MYEF2: variants seen among roughly 807,000 people sequenced by gnomAD.
MYEF2 encodes myelin expression factor 2.
MYEF2 carries 37 observed loss-of-function variants against 75.2 expected under a neutral mutation model. That is an observed-to-expected ratio of 0.49 (90% CI 0.38 to 0.65). The LOEUF (loss-of-function observed/expected upper bound fraction) is 0.65. Among genes scored for constraint, MYEF2 ranks in the 30% least tolerant of loss-of-function variants. The pLI is 0.00. For missense variants in MYEF2, 634 were observed against 771.4 expected (o/e 0.82, Z 2.11); for synonymous variants, 195 against 241.6 (o/e 0.81, Z 1.79).
At chr15:48,145,666 T>C (rs974914695) in intron 16 of MYEF2, among the ~76,000 whole-genome samples, 2 of 151,808 alleles carry the variant, frequency 1.3e-5, no homozygotes, top group African/African-American at 4.8e-5. Context: ...TAAAAACACA[T>C]GTAAAAATAG....
At chr15:48,152,394 C>A in intron 10 of MYEF2, 110 bp from the exon 11 acceptor site, 1 of 895,084 alleles carries the variant, frequency 1.1e-6, no homozygotes, top group Non-Finnish European at 1.8e-6. Context: ...CACAATGAAA[C>A]ACTAGAGAAG....
Position 48,142,219 on chromosome 15 carries a change from C to T in MYEF2, c.*689G>A. The T allele has an allele frequency of 1.2e-6, 2 of 1,613,780 alleles. No individual in the cohort carries two copies. The highest frequency in any genetic ancestry group is 8.5e-7 in the Non-Finnish European group (1 of 1,179,848). ...TTATTTTTCTTTTTTTAGCAGTTCA[C>T]TTCAATGGCTGGAAACTAGACAGAA... On this transcript the variant is annotated 3_prime_UTR_variant, in exon 17 of 17. Coordinates refer to ENST00000324324, the MANE Select transcript of MYEF2 (RefSeq NM_016132.5).
At chr15:48,170,722 A>T (rs1387137255) in intron 1 of MYEF2, among the ~76,000 whole-genome samples, 1 of 152,194 alleles carries the variant, frequency 6.6e-6, no homozygotes, top group African/African-American at 2.4e-5. Flanking sequence ...CTTCTTGAAC[A>T]CTACTCTTCT....
At position 48,134,899 on chromosome 15, in the gene MYEF2, T is replaced by C. The variant is rs374448307; in HGVS notation, c.*8009A>G. ...CATATTACAGGTCTCAACACTATCA[T>C]GTTGGCCCCTATTCAGAGACTGTGC... On this transcript the variant is annotated 3_prime_UTR_variant, in exon 17 of 17. Coordinates refer to ENST00000324324, the MANE Select transcript of MYEF2 (RefSeq NM_016132.5). 4.3e-6 allele frequency: 7 copies of C among 1,611,624 alleles called. No individual in the cohort carries two copies. In the African/African-American group the frequency reaches 5.3e-5, roughly 12 times the overall value.
At chr15:48,177,002 G>C (rs2040553762) in intron 1 of MYEF2, among the ~76,000 whole-genome samples, 1 of 152,152 alleles carries the variant, frequency 6.6e-6, no homozygotes, top group Non-Finnish European at 1.5e-5. Context: ...GACTGGTCCA[G>C]TTCTTACCAT....
At position 48,139,593 on chromosome 15, in the gene MYEF2, C is replaced by G. The variant is rs1231927337; in HGVS notation, c.*3315G>C. ...TTTTTGGGAAAACAATGGGTGCTCA[C>G]TGCTTAACTGGATTGTATTTTATTT... On this transcript the variant is annotated 3_prime_UTR_variant, in exon 17 of 17. Coordinates refer to ENST00000324324, the MANE Select transcript of MYEF2 (RefSeq NM_016132.5). The G allele has an allele frequency of 1.9e-5, 3 of 154,220 alleles. No homozygotes were observed. Among genetic ancestry groups the G allele is most frequent in the Non-Finnish European group, 2.9e-5 (2 of 69,712 alleles). The allele number at this position is 154,220 out of a possible 1,614,324, so 9.6% of individuals were successfully genotyped here.
Position 48,149,209 on chromosome 15 carries a change from A to G in MYEF2, c.1541T>C (p.Met514Thr). ...GFLSGPMGSG[M>T]RERIGSKGNQ... ...GCCTTTGGAGCCTATTCTCTCTCTC[A>G]TTCCGCTTCCCATTGGACCCGATAA... The change falls in exon 15 of 17, where the codon ATG (methionine) becomes ACG (threonine). Residue 514 changes from methionine (M) to threonine (T), a missense_variant. Met to Thr is a moderately conservative substitution (Grantham distance 81, BLOSUM62 -1). Coordinates refer to ENST00000324324, the MANE Select transcript of MYEF2 (RefSeq NM_016132.5). This position sits in a 1 kb window ranked among gnomAD's most constrained non-coding sequence, Gnocchi z 4.0. 1 of 1,613,386 alleles carries G rather than the reference A, an allele frequency of 6.2e-7. No individual in the cohort carries two copies. Among genetic ancestry groups the G allele is most frequent in the South Asian group, 1.1e-5 (1 of 91,072 alleles).
At chr15:48,167,304 G>C (rs753558503) in intron 3 of MYEF2, 45 bp downstream of exon 3, 1 of 1,586,276 alleles carries the variant, frequency 6.3e-7, no homozygotes, top group South Asian at 1.1e-5. Context: ...GTAAACTGCT[G>C]AGGAACTTTT....
chr15:48,148,564 T>C (rs920977803), intron 16 of MYEF2, among the ~76,000 whole-genome samples: 4 of 152,004 alleles, frequency 2.6e-5, no homozygotes, highest in African/African-American at 9.7e-5. Flanking sequence ...ATACAGTGTA[T>C]GTAGAATGGG....
intron 1 of MYEF2, among the ~76,000 whole-genome samples, chr15:48,169,117 C>T (rs550509736): frequency 2.4e-4 from 36 of 152,250 alleles, no homozygotes; most frequent in African/African-American, 8.2e-4. Flanking sequence ...CATCACACTA[C>T]TTAATTAATA....
At chr15:48,163,315 T>A (rs2040017226) in intron 5 of MYEF2, among the ~76,000 whole-genome samples, 1 of 152,140 alleles carries the variant, frequency 6.6e-6, no homozygotes, top group Admixed American at 6.6e-5. Flanking sequence ...GAACAGAAGA[T>A]CAAAGCACCC....
At chr15:48,161,415 C>T (rs2039937141) in intron 5 of MYEF2, among the ~76,000 whole-genome samples, 1 of 152,002 alleles carries the variant, frequency 6.6e-6, no homozygotes, top group African/African-American at 2.4e-5. Flanking sequence ...TCTAAGCATT[C>T]ATTCCATCCA....
intron 5 of MYEF2, among the ~76,000 whole-genome samples, chr15:48,163,751 T>A (rs1271896159): frequency 6.6e-6 from 1 of 152,154 alleles, no homozygotes; most frequent in Non-Finnish European, 1.5e-5. Flanking sequence ...CATTTACCAT[T>A]CTGAAAATCC....
chr15:48,171,602 A>G (rs1268014418), intron 1 of MYEF2, among the ~76,000 whole-genome samples: 1 of 152,100 alleles, frequency 6.6e-6, no homozygotes, highest in Non-Finnish European at 1.5e-5. Context: ...TTCCCAGTGT[A>G]TAACAAAAAA....
In MYEF2 at chr15:48,139,909, T is replaced by C. The variant is rs1413599475; in HGVS notation, c.*2999A>G. 6.6e-6 allele frequency: 1 copy of C among 152,134 alleles called. No homozygotes were observed. The highest frequency in any genetic ancestry group is 1.5e-5 in the Non-Finnish European group (1 of 67,984). 9.4% of individuals were successfully genotyped at this position (152,134 alleles called of 1,614,324 possible). ...TTAGTAAGGTTTTACATATTATCTATGATTGTTTTCACACTACATTGGCAA... is the reference window on the plus strand; with the variant it reads ...TTAGTAAGGTTTTACATATTATCTACGATTGTTTTCACACTACATTGGCAA... On this transcript the variant is annotated 3_prime_UTR_variant, in exon 17 of 17. Coordinates refer to ENST00000324324, the MANE Select transcript of MYEF2 (RefSeq NM_016132.5).
intron 5 of MYEF2, among the ~76,000 whole-genome samples, chr15:48,161,085 G>A (rs2039924087): frequency 6.6e-6 from 1 of 152,004 alleles, no homozygotes; most frequent in African/African-American, 2.4e-5. Flanking sequence ...TTAACAAGAT[G>A]TATTGCTGTG....
chr15:48,161,283 G>A (rs2039932980), intron 5 of MYEF2, among the ~76,000 whole-genome samples: 1 of 151,922 alleles, frequency 6.6e-6, no homozygotes, highest in Non-Finnish European at 1.5e-5. Context: ...CTTTTGGAGG[G>A]CCTACAATAG....
At chr15:48,172,558 T>C (rs1053789843) in intron 1 of MYEF2, among the ~76,000 whole-genome samples, 7 of 150,612 alleles carry the variant, frequency 4.6e-5, no homozygotes, top group African/African-American at 1.5e-4. Flanking sequence ...AAAAGATCAA[T>C]AAAATTAAAA....
intron 5 of MYEF2, among the ~76,000 whole-genome samples, chr15:48,164,790 C>T (rs2040076383): frequency 1.3e-5 from 2 of 152,160 alleles, no homozygotes; most frequent in Admixed American, 1.3e-4. Context: ...CAAATGATCA[C>T]TAGCATTTTC....
Sources: allele counts gnomAD v4.1 joint callset (sites outside exome capture counted in the v4.1 genomes callset), GRCh38; gene constraint gnomAD v4.1.1; non-coding constraint Gnocchi (gnomAD v3.1); transcripts MANE v1.5; gene names NCBI Gene and HGNC (gene_info 2026-07-23, HGNC 2026-07-21).